The following TTN variants were observed in gnomAD, a reference collection of about 807,000 sequenced individuals.
TTN encodes connectin.
TTN carries 1,525 observed loss-of-function variants against 3,223.0 expected under a neutral mutation model. The observed-to-expected ratio is 0.47, with a 90% confidence interval of 0.45 to 0.49. The LOEUF is 0.49. TTN is among the 20% of genes least tolerant of loss of function. The pLI, the probability that TTN is intolerant of heterozygous loss-of-function variation, is 0.00. For synonymous variants in TTN, 14,094 were observed against 15,161.0 expected (o/e 0.93, Z 5.17); for missense variants, 40,786 against 43,424.0 (o/e 0.94, Z 5.40).
intron 312 of TTN, 159 bp downstream of exon 312, chr2:178,583,448 G>T: frequency 2.2e-6 from 2 of 901,654 alleles, no homozygotes; most frequent in Non-Finnish European, 3.1e-6. Flanking sequence ...AATTTAGCAT[G>T]TTATTATGAT....
intron 3 of TTN, 69 bp downstream of exon 3, chr2:178,802,069 A>G (rs893436087): frequency 1.9e-6 from 3 of 1,593,822 alleles, no homozygotes; most frequent in African/African-American, 2.7e-5. Flanking sequence ...CTTTTTCTGG[A>G]CTCCTTTCCC....
chr2:178,653,331 T>C lies in TTN; in HGVS notation c.38708-10A>G. 1 of 1,611,864 alleles carries C rather than the reference T, an allele frequency of 6.2e-7. No homozygotes were observed. The highest frequency in any genetic ancestry group is 1.1e-5 in the South Asian group (1 of 90,940). On this transcript the variant is annotated splice_polypyrimidine_tract_variant and intron_variant, in intron 197 of 362. Coordinates refer to ENST00000589042, the MANE Select transcript of TTN (RefSeq NM_001267550.2). The stretch of plus-strand genomic sequence containing the variant: ...TTGGGAGCCTCTGGCACTTAAAAGA[T>C]ATTAGTAAAGTTACATGTAGAGCTA...
chr2:178,733,161 A>G (rs1433686254), intron 54 of TTN, 40 bp from the exon 55 acceptor site: 1 of 1,561,284 alleles, frequency 6.4e-7, no homozygotes, highest in African/African-American at 1.4e-5. Context: ...TCAATATAGA[A>G]GAGTGCTCAG....
chr2:178,697,226 GTTTAC>G, intron 112 of TTN, 58 bp from the exon 113 acceptor site: 9 of 1,354,952 alleles, frequency 6.6e-6, no homozygotes, highest in Non-Finnish European at 7.9e-6. Context: ...TATTATTAAT[GTTTAC>G]TAATCCTCCA....
chr2:178,695,745 A>C, intron 114 of TTN, 120 bp downstream of exon 114: 2 of 842,234 alleles, frequency 2.4e-6, no homozygotes, highest in Non-Finnish European at 3.4e-6. Context: ...ACCTTAAAAA[A>C]ATCTAAGATC....
In TTN at chr2:178,575,310, C is replaced by T. The variant is rs780081686; in HGVS notation, c.70822G>A (p.Val23608Met). The T allele has an allele frequency of 1.2e-6, 2 of 1,613,514 alleles. No individual in the cohort carries two copies. The highest frequency in any genetic ancestry group is 3.3e-4 in the Middle Eastern group (2 of 6,056). ...GEEYTFQVMA[V>M]NSAGRSAPRE... is the part of the protein sequence containing the mutation. ...GGGGCACTTCTCCCCGCGCTGTTCA[C>T]TGCCATCACTTGGAAGGTATATTCC... Residue 23608 changes from valine to methionine, a missense_variant, in exon 326 of 363, where the codon GTG becomes ATG. Coordinates refer to ENST00000589042, the MANE Select transcript of TTN (RefSeq NM_001267550.2). The surrounding 1 kb of genome is among the most constrained non-coding windows in gnomAD (Gnocchi z 4.0).
intron 326 of TTN, 27 bp from the exon 327 acceptor site, chr2:178,558,664 G>C: frequency 6.2e-7 from 1 of 1,600,024 alleles, no homozygotes. Context: ...TCAAAAGAAA[G>C]TGAATAATTA....
At position 178,713,152 on chromosome 2, in the gene TTN, A is replaced by T. The variant is rs1560588098; in HGVS notation, c.26982T>A (p.Gly8994=). 3.7e-6 allele frequency: 6 copies of T among 1,613,790 alleles called. No homozygotes were observed. Among genetic ancestry groups the T allele is most frequent in the Non-Finnish European group, 4.2e-6 (5 of 1,179,758 alleles). Residue 8994 remains glycine (G), a synonymous_variant, in exon 93 of 363, where the codon GGT becomes GGA. Coordinates refer to ENST00000589042, the MANE Select transcript of TTN (RefSeq NM_001267550.2). Reference sequence around the variant, plus strand: ...TATTAGTAGCTATACATGTGTAGTCACCACTGTCTGATTCTTCCAGCATGT... The same window carrying T: ...TATTAGTAGCTATACATGTGTAGTCTCCACTGTCTGATTCTTCCAGCATGT... ...TVNMLEESDS[G]DYTCIATNMA... is the part of the protein sequence containing the mutation.
rs138206874 is a variant in TTN at position 178,799,822 on chromosome 2, T to C, written c.669+3A>G. 2.0e-5 allele frequency: 33 copies of C among 1,614,062 alleles called. No homozygotes were observed. The East Asian group carries it at 7.1e-4, about 35-fold the overall frequency. On this transcript the variant is annotated splice_donor_region_variant and intron_variant, in intron 5 of 362. Coordinates refer to ENST00000589042, the MANE Select transcript of TTN (RefSeq NM_001267550.2). ...CTTGAAAACCAACAGTATAGAAAAATACCTTTTCAATTCGGGTTTGTCTTG... is the reference window on the plus strand; with the variant it reads ...CTTGAAAACCAACAGTATAGAAAAACACCTTTTCAATTCGGGTTTGTCTTG...
intron 307 of TTN, 21 bp from the exon 308 acceptor site, chr2:178,586,828 A>T: frequency 6.2e-7 from 1 of 1,602,896 alleles, no homozygotes; most frequent in Admixed American, 1.8e-5. Context: ...AACATAATTT[A>T]GAAGATTACC....
chr2:178,670,316 A>C, intron 156 of TTN, 21 bp from the exon 157 acceptor site: 2 of 1,332,502 alleles, frequency 1.5e-6, no homozygotes, highest in Non-Finnish European at 2.0e-6. Flanking sequence ...AATAGTAATA[A>C]TTTCTTTTAT....
chr2:178,719,896 T>C, intron 81 of TTN, 64 bp from the exon 82 acceptor site: 1 of 1,551,962 alleles, frequency 6.4e-7, no homozygotes, highest in Non-Finnish European at 8.7e-7. Flanking sequence ...GTGCAATCAC[T>C]GAATTACTGG....
chr2:178,722,613 A>C, intron 76 of TTN, 46 bp downstream of exon 76: 1 of 1,592,128 alleles, frequency 6.3e-7, no homozygotes, highest in Non-Finnish European at 8.5e-7. Flanking sequence ...TAAAGATACA[A>C]GAGTTAAGGA....
chr2:178,734,179 C>A (rs561151785), intron 52 of TTN, 149 bp downstream of exon 52: 2 of 971,850 alleles, frequency 2.1e-6, no homozygotes, highest in Admixed American at 6.1e-5. Flanking sequence ...GTGAAAGTTA[C>A]TGACTTTGTT....
chr2:178,583,581 G>T, intron 312 of TTN, 26 bp downstream of exon 312: 1 of 1,527,838 alleles, frequency 6.5e-7, no homozygotes, highest in Non-Finnish European at 8.8e-7. Context: ...TTACATCTTT[G>T]CCTATAATAC....
intron 281 of TTN, 38 bp downstream of exon 281, chr2:178,604,669 AC>A: frequency 6.5e-7 from 1 of 1,535,702 alleles, no homozygotes; most frequent in South Asian, 1.3e-5. Context: ...AGAGTCATGT[AC>A]TTTTAATGTG....
intron 278 of TTN, among the ~76,000 whole-genome samples, chr2:178,606,614 G>A (rs2054903567): frequency 6.6e-6 from 1 of 151,870 alleles, no homozygotes; most frequent in Non-Finnish European, 1.5e-5. Flanking sequence ...GAATATAGAG[G>A]AAGACTAAGG....
At chr2:178,580,723 C>A (rs2047505959) in intron 316 of TTN, 114 bp from the exon 317 acceptor site, 4 of 1,035,654 alleles carry the variant, frequency 3.9e-6, no homozygotes, top group Admixed American at 2.9e-5. Flanking sequence ...ATTTCTTGTT[C>A]TTTAAAACTT....
rs752879532 is a variant in TTN, at chr2:178,576,295, A to T, written c.69837T>A (p.His23279Gln). 6 of 1,597,338 alleles carry T rather than the reference A, an allele frequency of 3.8e-6. No homozygotes were observed. The highest frequency in any genetic ancestry group is 5.1e-6 in the Non-Finnish European group (6 of 1,172,892). ...GLEITGYVVE[H>Q]QKVGDEAWIK... ...TCCAGGCCTCGTCTCCTACTTTTTG[A>T]TGCTCCACGACATAGCCAGTGATTT... Residue 23279 changes from histidine (H) to glutamine (Q), a missense_variant, in exon 326 of 363, where the codon CAT becomes CAA. His to Gln is a conservative substitution (Grantham distance 24). Transcript: ENST00000589042. This position sits in a 1 kb window ranked among gnomAD's most constrained non-coding sequence, Gnocchi z 4.3.
Sources: gnomAD v4.1 joint callset for allele counts (sites outside exome capture counted in the v4.1 genomes callset) on GRCh38, gnomAD v4.1.1 for gene constraint, Gnocchi (gnomAD v3.1) non-coding constraint, MANE v1.5 for transcripts, NCBI Gene and HGNC (gene_info 2026-07-23, HGNC 2026-07-21) for gene names.